Variants in SH3D21 observed in about 807,000 individuals in gnomAD.
The protein encoded by SH3D21 is manchette microtubule inner protein 1.
Under a neutral mutation model 82.1 loss-of-function variants are expected in SH3D21, and 83 were observed. The ratio of observed to expected loss-of-function variants is 1.01; its 90% CI spans 0.85 to 1.21. The LOEUF (loss-of-function observed/expected upper bound fraction) is 1.21, where lower values mean the gene tolerates loss of function less well. Among genes scored for constraint, SH3D21 ranks in the 50% most tolerant of loss-of-function variants. The pLI is 0.00. For missense variants in SH3D21, 980 were observed against 962.1 expected (o/e 1.02, Z -0.25); for synonymous variants, 383 against 387.8 (o/e 0.99, Z 0.15).
At chr1:36,318,766 G>A (rs976605546) in intron 10 of SH3D21, among the ~76,000 whole-genome samples, 6 of 152,048 alleles carry the variant, frequency 3.9e-5, no homozygotes, top group Admixed American at 6.6e-5. Flanking sequence ...GAAATTAGCC[G>A]GGTGTGGTGG....
downstream of SH3D21, chr1:36,322,701 T>G (rs756037850): frequency 6.5e-7 from 1 of 1,546,306 alleles, no homozygotes; most frequent in Non-Finnish European, 8.7e-7. Flanking sequence ...CAGCACGAAG[T>G]AGAGGCCGAA....
chr1:36,330,040 C>T (rs545820999), downstream of SH3D21, among the ~76,000 whole-genome samples: 27 of 152,106 alleles, frequency 1.8e-4, no homozygotes, highest in Non-Finnish European at 8.8e-5. Context: ...TTCCAGGATG[C>T]GGTCAGAACA....
chr1:36,329,876 G>A (rs963134017), downstream of SH3D21, among the ~76,000 whole-genome samples: 3 of 151,980 alleles, frequency 2.0e-5, no homozygotes, highest in South Asian at 2.1e-4. Context: ...GGGTCACCCC[G>A]ACCAGTTCCC....
At position 36,321,219 on chromosome 1, in the gene SH3D21, G is replaced by A; in HGVS notation, c.*92G>A. 7 of 1,512,880 alleles carry A rather than the reference G, an allele frequency of 4.6e-6. No individual in the cohort carries two copies. The South Asian group carries it at 7.6e-5, about 16-fold the overall frequency. 93.7% of individuals were successfully genotyped at this position (1,512,880 alleles called of 1,614,324 possible). On this transcript the variant is annotated 3_prime_UTR_variant, in exon 16 of 16. Transcript: ENST00000453908. This position sits in a 1 kb window ranked among gnomAD's most constrained non-coding sequence, Gnocchi z 6.1. ...TGGGAAACGCGAGAAAGTAAACTCT[G>A]CCTAGCACGGCGCCACGCCGGTCTG...
Position 36,307,095 on chromosome 1 carries a change from C to A in SH3D21, c.227-72C>A. 1.9e-6 allele frequency: 3 copies of A among 1,540,232 alleles called. No individual in the cohort carries two copies. The highest frequency in any genetic ancestry group is 2.6e-6 in the Non-Finnish European group (3 of 1,140,710). On this transcript the variant is annotated intron_variant, in intron 3 of 15. Coordinates refer to ENST00000453908, the MANE Select transcript of SH3D21 (RefSeq NM_001162530.2). The surrounding 1 kb of genome is among the most constrained non-coding windows in gnomAD (Gnocchi z 5.4). ...CTGGAGGGACCAAAGGCTACGTGCG[C>A]GCCTTGCGCTTCCCCCAGCTCCTCT...
At chr1:36,324,245 G>C (rs536710403), downstream of SH3D21, 3 of 152,386 alleles carry the variant, frequency 2.0e-5, no homozygotes, top group African/African-American at 7.2e-5. Context: ...CAGTCTCGCA[G>C]ACCCCAGCGT....
chr1:36,319,224 G>T, intron 11 of SH3D21, 36 bp from the exon 12 acceptor site: 1 of 1,551,566 alleles, frequency 6.4e-7, no homozygotes, highest in South Asian at 1.2e-5. Context: ...CCCTCCCTGT[G>T]CCCCACCCTG....
chr1:36,318,908 AATAATAATAATAAT>A (rs1175773673), intron 10 of SH3D21, among the ~76,000 whole-genome samples, 149 bp from the exon 11 acceptor site: 1 of 35,484 alleles, frequency 2.8e-5, no homozygotes, highest in Non-Finnish European at 5.9e-5. Context: ...AAATAATAAT[AATAATAATAATAAT>A]AATAATAATA....
rs766538873 is a variant in SH3D21 at position 36,319,694 on chromosome 1, C to T, written c.1031C>T (p.Pro344Leu). 13 of 1,589,872 alleles carry T rather than the reference C, an allele frequency of 8.2e-6. No individual in the cohort carries two copies. Among genetic ancestry groups the T allele is most frequent in the South Asian group, 6.9e-5 (6 of 87,024 alleles). The change falls in exon 14 of 16, where the codon CCG becomes CTG. Residue 344 changes from proline to leucine, a missense_variant. Coordinates refer to ENST00000453908, the MANE Select transcript of SH3D21 (RefSeq NM_001162530.2). Reference protein sequence around the residue: ...VSSQEEEHSSPVKAPSVKRTP... With the variant: ...VSSQEEEHSSLVKAPSVKRTP... ...CGGCAGGAGGAAGAGCACAGCAGCCCGGTAAAGGCCCCCTCTGTGAAGAGA... is the reference window on the plus strand; with the variant it reads ...CGGCAGGAGGAAGAGCACAGCAGCCTGGTAAAGGCCCCCTCTGTGAAGAGA...
chr1:36,319,747 CCA>C lies in SH3D21; in HGVS notation c.1085_1086del (p.Pro362ArgfsTer19), dbSNP rs763103362. 1.9e-5 allele frequency: 30 copies of C among 1,602,780 alleles called. No homozygotes were observed. In the Admixed American group the frequency reaches 3.6e-4, roughly 19 times the overall value. On this transcript the variant is annotated frameshift_variant, in exon 14 of 16. Coordinates refer to ENST00000453908, the MANE Select transcript of SH3D21 (RefSeq NM_001162530.2). LOFTEE classifies it high-confidence loss of function. ...CCCCATGCCGGACAAGACTGCCACC[CCA>C]GAGAGGCCCCCAGCTCCAGAGAACG... is the stretch of plus-strand genomic sequence containing the variant. ...RTPMPDKTATPERPPAPENAP... is the reference protein window; with the variant it reads ...RTPMPDKTATXERPPAPENAP...
At chr1:36,308,501 G>C (rs1369519263) in intron 9 of SH3D21, 26 bp downstream of exon 9, 1 of 1,545,262 alleles carries the variant, frequency 6.5e-7, no homozygotes, top group Non-Finnish European at 8.8e-7. Context: ...AGACACTCAG[G>C]TGGCAGGGGC....
At chr1:36,327,581 T>A (rs1646557820), downstream of SH3D21, 2 of 972,692 alleles carry the variant, frequency 2.1e-6, no homozygotes, top group Admixed American at 7.5e-5. Flanking sequence ...TGTTTGTGTC[T>A]GGGTTGGTAT....
intron 10 of SH3D21, among the ~76,000 whole-genome samples, chr1:36,317,853 C>T (rs952833438): frequency 2.0e-5 from 3 of 152,192 alleles, no homozygotes; most frequent in East Asian, 1.9e-4. Flanking sequence ...TGTGGGCCAC[C>T]GCGCCTAGCC....
At chr1:36,322,948 A>G (rs1198620983), downstream of SH3D21, 1 of 1,606,648 alleles carries the variant, frequency 6.2e-7, no homozygotes, top group Admixed American at 1.7e-5. Context: ...TCAGGCCCCC[A>G]GTCTTCCGGC....
In SH3D21 at chr1:36,319,064, TTCCCAGC is replaced by T; in HGVS notation, c.770-3_773del. 1 of 1,517,332 alleles carries T rather than the reference TTCCCAGC, an allele frequency of 6.6e-7. No homozygotes were observed. Among genetic ancestry groups the T allele is most frequent in the Non-Finnish European group, 9.0e-7 (1 of 1,115,766 alleles). The allele number at this position is 1,517,332 out of a possible 1,614,324, so 94.0% of individuals were successfully genotyped here. A position where few individuals can be genotyped will look rare whatever the true frequency, so the allele number is the denominator to read the frequency against. On this transcript the variant is annotated splice_acceptor_variant and splice_polypyrimidine_tract_variant and coding_sequence_variant and intron_variant, in exon 11 of 16. Transcript: ENST00000453908. LOFTEE classifies it high-confidence loss of function. ...GATGGATGAGTGCTCCACTCCTCTC[TTCCCAGC>T]TCCTATTAAGGAACCAAAAAAGTTG...
At position 36,319,962 on chromosome 1, in the gene SH3D21, C is replaced by T; in HGVS notation, c.1299C>T (p.Ile433=). 6.2e-7 allele frequency: 1 copy of T among 1,614,160 alleles called. No homozygotes were observed. Among genetic ancestry groups the T allele is most frequent in the East Asian group, 2.2e-5 (1 of 44,882 alleles). ...EDKASIPENS[I]IPEETLTVDK... ...AGGCTTCTATCCCAGAGAACTCCATCATCCCAGAGGAGACCCTGACTGTGG... is the reference window on the plus strand; with the variant it reads ...AGGCTTCTATCCCAGAGAACTCCATTATCCCAGAGGAGACCCTGACTGTGG... Residue 433 remains isoleucine, a synonymous_variant, in exon 14 of 16, where the codon ATC becomes ATT. Coordinates refer to ENST00000453908, the MANE Select transcript of SH3D21 (RefSeq NM_001162530.2).
downstream of SH3D21, among the ~76,000 whole-genome samples, chr1:36,326,822 A>T (rs1646550754): frequency 6.6e-6 from 1 of 152,214 alleles, no homozygotes; most frequent in African/African-American, 2.4e-5. Context: ...ACACTTTCAT[A>T]CTGGGCTGGG....
chr1:36,314,288 A>C (rs1336842038), intron 10 of SH3D21, among the ~76,000 whole-genome samples: 1 of 150,870 alleles, frequency 6.6e-6, no homozygotes, highest in East Asian at 2.0e-4. Flanking sequence ...TGCTGAGCAT[A>C]TTTTCATGTG....
At chr1:36,312,288 G>T (rs1359339978) in intron 10 of SH3D21, among the ~76,000 whole-genome samples, 1 of 152,180 alleles carries the variant, frequency 6.6e-6, no homozygotes, top group African/African-American at 2.4e-5. Flanking sequence ...CTCCCAAAGT[G>T]CTGGGATTAC....
Sources: gnomAD v4.1 joint callset for allele counts (sites outside exome capture counted in the v4.1 genomes callset) on GRCh38, gnomAD v4.1.1 for gene constraint, Gnocchi (gnomAD v3.1) non-coding constraint, MANE v1.5 for transcripts, NCBI Gene and HGNC (gene_info 2026-07-23, HGNC 2026-07-21) for gene names.